The following SPATA25 variants were observed in gnomAD, a reference collection of about 807,000 sequenced individuals.
SPATA25 encodes spermatogenesis associated 25.
In SPATA25, 16 loss-of-function variants were observed where a neutral mutation model predicts 16.0. The ratio of observed to expected loss-of-function variants is 1.00; its 90% CI spans 0.68 to 1.52. The LOEUF is 1.52. Ranked by LOEUF, SPATA25 falls within the 40% of genes most tolerant of loss-of-function variation. SPATA25 has a pLI of 0.00. For synonymous variants in SPATA25, 115 were observed against 118.5 expected, an observed-to-expected ratio of 0.97 and a Z score of 0.19; for missense variants, 285 against 289.2, an observed-to-expected ratio of 0.99 and a Z score of 0.11.
chr20:45,890,364 C>A, upstream of SPATA25: 1 of 1,612,992 alleles, frequency 6.2e-7, no homozygotes, highest in Non-Finnish European at 8.5e-7. Flanking sequence ...ATGTCCTCGC[C>A]GTTGATGATG....
upstream of SPATA25, chr20:45,888,842 C>T: frequency 6.2e-7 from 1 of 1,613,988 alleles, no homozygotes; most frequent in Non-Finnish European, 8.5e-7. Flanking sequence ...TCCTTTGTAT[C>T]ACTAGGCGGC....
chr20:45,889,037 C>G, upstream of SPATA25: 1 of 711,406 alleles, frequency 1.4e-6, no homozygotes, highest in Non-Finnish European at 2.3e-6. Context: ...AGCACCTCTT[C>G]CTGAGAGCTG....
upstream of SPATA25, chr20:45,890,489 T>TAG: frequency 6.3e-7 from 1 of 1,598,840 alleles, no homozygotes; most frequent in Non-Finnish European, 8.5e-7. Flanking sequence ...GAGATGGCTG[T>TAG]AGAGCCCTGG....
chr20:45,886,755 T>C lies in SPATA25; in HGVS notation c.446A>G (p.Gln149Arg). ...GAGGGTGAGGATGCAGATATCAGGC[T>C]GGGAGCTGGCCTCCTTCCCCACTGC... is the stretch of plus-strand genomic sequence containing the variant. Reference protein sequence around the residue: ...SEAVGKEASSQPDICILTLAM... With the variant: ...SEAVGKEASSRPDICILTLAM... Residue 149 changes from glutamine to arginine, a missense_variant, in exon 2 of 2, where the codon CAG becomes CGG. By Grantham distance (43) the Gln-to-Arg change is conservative. Transcript: ENST00000372519. 1 of 1,614,036 alleles carries C rather than the reference T, an allele frequency of 6.2e-7. No individual in the cohort carries two copies. The highest frequency in any genetic ancestry group is 2.2e-5 in the East Asian group (1 of 44,888).
At chr20:45,890,429 C>A, upstream of SPATA25, 1 of 1,610,632 alleles carries the variant, frequency 6.2e-7, no homozygotes, top group Non-Finnish European at 8.5e-7. Flanking sequence ...ACCCAGGCGG[C>A]TACGGCGCGC....
Position 45,887,064 on chromosome 20 carries a change from G to A in SPATA25, c.137C>T (p.Pro46Leu). ...PVVVASGGTG[P>L]LSQKAEQVAP... ...CACCTGCTCAGCTTTCTGGCTCAGT[G>A]GGCCTGTTCCACCAGAGGCCACCAC... The change falls in exon 2 of 2, where the codon CCA becomes CTA. Residue 46 changes from proline to leucine, a missense_variant. Pro to Leu is a moderately conservative substitution (Grantham distance 98). Transcript: ENST00000372519. The A allele has an allele frequency of 1.2e-6, 2 of 1,608,648 alleles. No individual in the cohort carries two copies. The highest frequency in any genetic ancestry group is 1.7e-6 in the Non-Finnish European group (2 of 1,179,990).
upstream of SPATA25, chr20:45,887,660 A>C (rs950730637): frequency 3.1e-5 from 46 of 1,486,704 alleles, no homozygotes; most frequent in Admixed American, 8.0e-4. Flanking sequence ...TCACCCTTCT[A>C]GAATGTCACC....
upstream of SPATA25, chr20:45,890,803 G>A: frequency 1.3e-6 from 2 of 1,595,548 alleles, no homozygotes; most frequent in African/African-American, 1.3e-5. Flanking sequence ...GGAAGACCTG[G>A]CCCGGGGCCA....
Position 45,887,090 on chromosome 20 carries a change from C to A in SPATA25, c.111G>T (p.Val37=). ...GGCCTGTTCCACCAGAGGCCACCAC[C>A]ACTGGCTCTACAGGACTACAGAGGC... The part of the protein sequence containing the change: ...SLGLCSPVEP[V]VVASGGTGPL... The change falls in exon 2 of 2, where the codon GTG becomes GTT. Residue 37 remains valine, a synonymous_variant. Coordinates refer to ENST00000372519, the MANE Select transcript of SPATA25 (RefSeq NM_080608.4). The A allele has an allele frequency of 1.2e-6, 2 of 1,605,622 alleles. No individual in the cohort carries two copies. The highest frequency in any genetic ancestry group is 8.5e-7 in the Non-Finnish European group (1 of 1,179,932).
In SPATA25 at chr20:45,887,121, G is replaced by C; in HGVS notation, c.80C>G (p.Ser27Cys). 6.3e-7 allele frequency: 1 copy of C among 1,592,276 alleles called. No individual in the cohort carries two copies. The highest frequency in any genetic ancestry group is 1.1e-5 in the South Asian group (1 of 90,908). The part of the protein sequence containing the change: ...GQGGAASPGL[S>C]LGLCSPVEPV... Reference sequence around the variant, plus strand: ...CTCTACAGGACTACAGAGGCCAAGGGACAAGCCTGGAGAAGCAGCCCCACC... The same window carrying C: ...CTCTACAGGACTACAGAGGCCAAGGCACAAGCCTGGAGAAGCAGCCCCACC... Residue 27 changes from serine to cysteine, a missense_variant, in exon 2 of 2, where the codon TCC becomes TGC. Coordinates refer to ENST00000372519, the MANE Select transcript of SPATA25 (RefSeq NM_080608.4).
upstream of SPATA25, chr20:45,890,066 A>G: frequency 1.6e-6 from 1 of 636,590 alleles, no homozygotes; most frequent in Non-Finnish European, 2.7e-6. Flanking sequence ...CAAGATAGGT[A>G]CCAAGGCCCA....
At chr20:45,890,757 C>T, upstream of SPATA25, 2 of 1,612,568 alleles carry the variant, frequency 1.2e-6, no homozygotes, top group Non-Finnish European at 1.7e-6. Context: ...CGCAGATGTC[C>T]GCACCAGCCC....
chr20:45,890,893 G>A, upstream of SPATA25: 2 of 1,564,130 alleles, frequency 1.3e-6, no homozygotes, highest in African/African-American at 1.4e-5. Flanking sequence ...CCACGCGGAT[G>A]TTGGCACCGT....
At chr20:45,888,854 CAG>C (rs148861371), upstream of SPATA25, 14 of 1,614,112 alleles carry the variant, frequency 8.7e-6, no homozygotes, top group Non-Finnish European at 1.1e-5. Flanking sequence ...CTAGGCGGCA[CAG>C]AGTCTGCAGG....
upstream of SPATA25, chr20:45,887,668 A>C: frequency 7.4e-7 from 1 of 1,346,980 alleles, no homozygotes; most frequent in Non-Finnish European, 1.0e-6. Flanking sequence ...CTAGAATGTC[A>C]CCTCATAGAC....
chr20:45,887,231 G>A, intron 1 of SPATA25, 86 bp from the exon 2 acceptor site: 1 of 1,478,628 alleles, frequency 6.8e-7, no homozygotes, highest in Admixed American at 2.2e-5. Flanking sequence ...GCAGAGCTTG[G>A]GGGCGTAACT....
At chr20:45,890,454 C>G (rs1427168697), upstream of SPATA25, 2 of 1,606,382 alleles carry the variant, frequency 1.2e-6, no homozygotes, top group South Asian at 2.2e-5. Flanking sequence ...GGAGGCAGCA[C>G]GTTCAGCTCA....
chr20:45,886,513 C>T lies in SPATA25; in HGVS notation c.*4G>A. On this transcript the variant is annotated 3_prime_UTR_variant, in exon 2 of 2. Transcript: ENST00000372519. ...CCCTACATATCTGGTGCTATTTCATCCATCTACAAGCAGGAGCCAGGAGGC... is the reference window on the plus strand; with the variant it reads ...CCCTACATATCTGGTGCTATTTCATTCATCTACAAGCAGGAGCCAGGAGGC... 1 of 1,558,680 alleles carries T rather than the reference C, an allele frequency of 6.4e-7. No homozygotes were observed. Among genetic ancestry groups the T allele is most frequent in the African/African-American group, 1.4e-5 (1 of 73,482 alleles).
chr20:45,890,502 G>A, upstream of SPATA25: 4 of 1,598,432 alleles, frequency 2.5e-6, no homozygotes, highest in Non-Finnish European at 3.4e-6. Context: ...AGCCCTGGCC[G>A]GCTGCGGCCC....
Sources: allele counts gnomAD v4.1 joint callset, GRCh38; gene constraint gnomAD v4.1.1; transcripts MANE v1.5; gene names NCBI Gene and HGNC (gene_info 2026-07-23, HGNC 2026-07-21).